Variants in PRKD1 observed in about 807,000 individuals in gnomAD.
The protein encoded by PRKD1 is protein kinase D1, also known as serine/threonine-protein kinase D1.
PRKD1 carries 63 observed loss-of-function variants against 95.9 expected under a neutral mutation model. The ratio of observed to expected loss-of-function variants is 0.66; its 90% CI spans 0.54 to 0.81. PRKD1 has a LOEUF of 0.81. PRKD1 is among the 30% of genes least tolerant of loss of function. The pLI, the probability that PRKD1 is intolerant of heterozygous loss-of-function variation, is 0.00. For missense variants in PRKD1, 1,048 were observed against 1,165.3 expected, an observed-to-expected ratio of 0.90 and a Z score of 1.47; for synonymous variants, 425 against 423.1, an observed-to-expected ratio of 1.00 and a Z score of -0.05.
intron 1 of PRKD1, among the ~76,000 whole-genome samples, chr14:29,845,080 A>T (rs367887133): frequency 1.3e-5 from 2 of 152,148 alleles, no homozygotes; most frequent in Admixed American, 6.5e-5. Context: ...AGAAAAGGAG[A>T]CTAAATTAGG....
At chr14:29,744,092 C>G (rs1040535379) in intron 1 of PRKD1, among the ~76,000 whole-genome samples, 2 of 152,234 alleles carry the variant, frequency 1.3e-5, no homozygotes, top group South Asian at 4.1e-4. Flanking sequence ...CGTTTATACT[C>G]GGGTGACACA....
chr14:29,633,009 C>T, intron 8 of PRKD1, 63 bp from the exon 9 acceptor site: 5 of 1,438,176 alleles, frequency 3.5e-6, no homozygotes, highest in Non-Finnish European at 4.9e-6. Context: ...CAATTGAAAA[C>T]ATAAATAGAT....
chr14:29,755,472 A>G (rs1217337421), intron 1 of PRKD1, among the ~76,000 whole-genome samples: 1 of 152,122 alleles, frequency 6.6e-6, no homozygotes, highest in Non-Finnish European at 1.5e-5. Context: ...GGCCAAGTCA[A>G]CAAAGCCAAG....
chr14:29,802,589 TG>T (rs1890079952), intron 1 of PRKD1, among the ~76,000 whole-genome samples: 1 of 152,208 alleles, frequency 6.6e-6, no homozygotes, highest in South Asian at 2.1e-4. Context: ...ACTATCAGAA[TG>T]GAAGATGTAA....
intron 1 of PRKD1, among the ~76,000 whole-genome samples, chr14:29,913,276 T>G (rs1221887832): frequency 2.0e-5 from 3 of 152,218 alleles, no homozygotes; most frequent in African/African-American, 7.2e-5. Flanking sequence ...AAGTTTTACC[T>G]TTCTCCTTAA....
chr14:29,845,240 T>C (rs944255214), intron 1 of PRKD1, among the ~76,000 whole-genome samples: 6 of 152,192 alleles, frequency 3.9e-5, no homozygotes, highest in Non-Finnish European at 8.8e-5. Context: ...AACTGGTCTG[T>C]AAAGAAAATG....
chr14:29,645,350 A>G (rs558785492), intron 4 of PRKD1, among the ~76,000 whole-genome samples: 2 of 152,276 alleles, frequency 1.3e-5, no homozygotes, highest in African/African-American at 2.4e-5. Flanking sequence ...CCAGAACACA[A>G]TAACTAGTGG....
chr14:29,762,913 T>G (rs1322838387), intron 1 of PRKD1, among the ~76,000 whole-genome samples: 2 of 151,910 alleles, frequency 1.3e-5, no homozygotes, highest in Admixed American at 1.3e-4. Context: ...CCAGATAATT[T>G]TTGTATTTTT....
chr14:29,874,717 T>G (rs1287360307), intron 1 of PRKD1, among the ~76,000 whole-genome samples: 1 of 152,164 alleles, frequency 6.6e-6, no homozygotes, highest in Non-Finnish European at 1.5e-5. Context: ...GGTCATTATG[T>G]TAAGTGAAAT....
chr14:29,749,740 T>A lies in PRKD1; in HGVS notation c.265-24066A>T, dbSNP rs528913343. Among the ~76,000 whole-genome samples the A allele has an allele frequency of 2.6e-5, 4 of 152,288 alleles. No individual in the cohort carries two copies. The South Asian group carries it at 8.3e-4, about 32-fold the overall frequency. ...GTTTAATAAGTAACCATTGTTTTCA[T>A]AATTATTATATAAGACAAGGAGATG... On this transcript the variant is annotated intron_variant, in intron 1 of 17. Transcript: ENST00000331968.
At chr14:29,791,877 A>C (rs1889562005) in intron 1 of PRKD1, among the ~76,000 whole-genome samples, 1 of 152,128 alleles carries the variant, frequency 6.6e-6, no homozygotes, top group Non-Finnish European at 1.5e-5. Flanking sequence ...GCTGGAATAT[A>C]TGACAGGTAT....
intron 1 of PRKD1, among the ~76,000 whole-genome samples, chr14:29,743,809 C>A (rs1887091748): frequency 6.6e-6 from 1 of 152,162 alleles, no homozygotes; most frequent in South Asian, 2.1e-4. Context: ...ATTCTCAGTT[C>A]CTCACAGACA....
intron 2 of PRKD1, among the ~76,000 whole-genome samples, chr14:29,676,235 A>G (rs1324192502): frequency 2.5e-5 from 2 of 81,266 alleles, no homozygotes; most frequent in Non-Finnish European, 4.5e-5. Flanking sequence ...TAAAGATTCC[A>G]CTGCTCATCC....
intron 1 of PRKD1, among the ~76,000 whole-genome samples, chr14:29,829,454 G>A (rs1255034736): frequency 6.6e-6 from 1 of 152,164 alleles, no homozygotes; most frequent in Admixed American, 6.5e-5. Context: ...AGGGAAGAGT[G>A]TCACAGCGTG....
chr14:29,754,939 T>G (rs1221691407), intron 1 of PRKD1, among the ~76,000 whole-genome samples: 1 of 152,122 alleles, frequency 6.6e-6, no homozygotes, highest in Non-Finnish European at 1.5e-5. Context: ...TAGTTTCTTC[T>G]TATATACATT....
At chr14:29,618,975 G>A (rs1879061318) in intron 13 of PRKD1, among the ~76,000 whole-genome samples, 1 of 152,182 alleles carries the variant, frequency 6.6e-6, no homozygotes. Context: ...TGGAGAATGA[G>A]GAGGAGGAAG....
chr14:29,602,721 A>C (rs1490794539), intron 13 of PRKD1, among the ~76,000 whole-genome samples: 1 of 152,060 alleles, frequency 6.6e-6, no homozygotes, highest in Non-Finnish European at 1.5e-5. Flanking sequence ...GAGCCACTGC[A>C]CCTGGCCAGT....
chr14:29,813,218 A>G (rs2139248670), intron 1 of PRKD1, among the ~76,000 whole-genome samples: 1 of 152,354 alleles, frequency 6.6e-6, no homozygotes, highest in African/African-American at 2.4e-5. Flanking sequence ...ATGCAAAAGC[A>G]TATCTTTATT....
intron 13 of PRKD1, 28 bp downstream of exon 13, chr14:29,624,123 CT>C: frequency 6.6e-7 from 1 of 1,508,834 alleles, no homozygotes; most frequent in Non-Finnish European, 9.1e-7. Flanking sequence ...TTTTTATACC[CT>C]TTCCCCAAAT....
Sources: allele counts gnomAD v4.1 joint callset (sites outside exome capture counted in the v4.1 genomes callset), GRCh38; gene constraint gnomAD v4.1.1; transcripts MANE v1.5; gene names NCBI Gene and HGNC (gene_info 2026-07-23, HGNC 2026-07-21).